Variants in CLIC4 observed in about 807,000 individuals in gnomAD.
The protein encoded by CLIC4 is chloride intracellular channel protein 4.
A neutral mutation model predicts 24.6 loss-of-function variants in CLIC4; 13 were observed. That is an observed-to-expected ratio of 0.53 (90% CI 0.34 to 0.84). The LOEUF is 0.84. Among genes scored for constraint, CLIC4 ranks in the 40% least tolerant of loss-of-function variants. The probability of loss-of-function intolerance (pLI) is 0.01; values close to 1 mark genes in which losing one functional copy is unlikely to be tolerated. For missense variants in CLIC4, 227 were observed against 301.7 expected (o/e 0.75, Z 1.83); for synonymous variants, 104 against 111.3 (o/e 0.93, Z 0.41).
intron 4 of CLIC4, among the ~76,000 whole-genome samples, chr1:24,830,839 A>G (rs1056376325): frequency 6.6e-6 from 1 of 152,210 alleles, no homozygotes; most frequent in African/African-American, 2.4e-5. Context: ...CTTATTAGCT[A>G]TAAGACAGGG....
At chr1:24,770,765 T>G (rs1254292710) in intron 1 of CLIC4, among the ~76,000 whole-genome samples, 1 of 152,196 alleles carries the variant, frequency 6.6e-6, no homozygotes, top group African/African-American at 2.4e-5. Flanking sequence ...GGTTTTATCC[T>G]TGAGTCTTTG....
At chr1:24,761,721 G>T (rs1312125080) in intron 1 of CLIC4, among the ~76,000 whole-genome samples, 1 of 152,134 alleles carries the variant, frequency 6.6e-6, no homozygotes, top group Non-Finnish European at 1.5e-5. Context: ...TGGCAATAAG[G>T]ACAACTATTT....
intron 3 of CLIC4, among the ~76,000 whole-genome samples, chr1:24,816,320 A>C (rs1283932480): frequency 7.1e-6 from 1 of 141,618 alleles, no homozygotes; most frequent in Admixed American, 7.9e-5. Context: ...GCTCACTGCA[A>C]CCTCCACCTC....
chr1:24,806,171 A>G (rs1432001605), intron 2 of CLIC4, among the ~76,000 whole-genome samples: 1 of 152,172 alleles, frequency 6.6e-6, no homozygotes, highest in East Asian at 1.9e-4. Context: ...GCCATTGCCT[A>G]TTGGCTCAGT....
intron 2 of CLIC4, among the ~76,000 whole-genome samples, chr1:24,811,661 A>G (rs1639616444): frequency 6.6e-6 from 1 of 152,160 alleles, no homozygotes; most frequent in African/African-American, 2.4e-5. Context: ...TTTTTTATAG[A>G]GATGGGATCT....
intron 1 of CLIC4, among the ~76,000 whole-genome samples, chr1:24,750,352 C>A (rs1203090468): frequency 6.6e-6 from 1 of 152,024 alleles, no homozygotes; most frequent in African/African-American, 2.4e-5. Context: ...CTGGGAACCA[C>A]CAACAGATAC....
intron 1 of CLIC4, among the ~76,000 whole-genome samples, chr1:24,787,408 C>A (rs1437543705): frequency 6.6e-6 from 1 of 151,902 alleles, no homozygotes; most frequent in African/African-American, 2.4e-5. Context: ...TATTTATAAT[C>A]TATATGTATA....
intron 1 of CLIC4, among the ~76,000 whole-genome samples, chr1:24,754,388 C>G (rs561014882): frequency 1.7e-4 from 26 of 152,160 alleles, no homozygotes; most frequent in Admixed American, 5.2e-4. Flanking sequence ...GTGAGCCATC[C>G]TTTTCCGCTT....
chr1:24,807,270 T>C (rs1639560936), intron 2 of CLIC4, among the ~76,000 whole-genome samples: 1 of 151,886 alleles, frequency 6.6e-6, no homozygotes, highest in African/African-American at 2.4e-5. Flanking sequence ...CCTACCCCTT[T>C]GGGTTTGTTT....
At chr1:24,805,711 T>C (rs7517623) in intron 2 of CLIC4, among the ~76,000 whole-genome samples, 152,271 of 152,292 alleles carry the variant, frequency 1, 76,125 homozygotes, top group Non-Finnish European at 1. Context: ...GCTCCGGTGT[T>C]CTCTAGCTAT....
At chr1:24,746,621 C>T (rs1638701830) in intron 1 of CLIC4, among the ~76,000 whole-genome samples, 1 of 152,164 alleles carries the variant, frequency 6.6e-6, no homozygotes, top group African/African-American at 2.4e-5. Context: ...AGCTAGGCAA[C>T]ATACCGGAAA....
intron 1 of CLIC4, among the ~76,000 whole-genome samples, chr1:24,786,382 C>T (rs1639267725): frequency 6.6e-6 from 1 of 152,140 alleles, no homozygotes; most frequent in Non-Finnish European, 1.5e-5. Context: ...TGGAGTTAAT[C>T]CAGCAGTTTC....
In CLIC4 at chr1:24,760,893, C is replaced by A. The variant is rs1253139110; in HGVS notation, c.72+15268C>A. On this transcript the variant is annotated intron_variant, in intron 1 of 5. Coordinates refer to ENST00000374379, the MANE Select transcript of CLIC4 (RefSeq NM_013943.3). ...CTATTTTCAGTTTAACGGGGCATTC[C>A]ATTATCCCTGTGGAGAATGACAATT... Among the ~76,000 whole-genome samples the A allele has an allele frequency of 2.0e-5, 3 of 152,060 alleles. No homozygotes were observed. In the East Asian group the frequency reaches 5.8e-4, roughly 29 times the overall value.
intron 3 of CLIC4, 77 bp from the exon 4 acceptor site, chr1:24,826,933 C>T: frequency 1.1e-6 from 1 of 921,582 alleles, no homozygotes; most frequent in Non-Finnish European, 1.7e-6. Context: ...CTAGTAACTG[C>T]TAGCATGGTG....
At chr1:24,791,993 G>GTACTCC (rs1639344967) in intron 1 of CLIC4, among the ~76,000 whole-genome samples, 1 of 148,486 alleles carries the variant, frequency 6.7e-6, no homozygotes, top group Admixed American at 6.8e-5. Flanking sequence ...AGGTTGCAAT[G>GTACTCC]AGCCGAGATG....
At chr1:24,827,665 C>T (rs1412701806) in intron 4 of CLIC4, among the ~76,000 whole-genome samples, 2 of 150,738 alleles carry the variant, frequency 1.3e-5, no homozygotes, top group African/African-American at 4.9e-5. Flanking sequence ...CCAAATTTCT[C>T]TGCATCTTCA....
chr1:24,800,575 T>C (rs1203660174), intron 2 of CLIC4, among the ~76,000 whole-genome samples: 3 of 152,258 alleles, frequency 2.0e-5, no homozygotes, highest in East Asian at 1.9e-4. Flanking sequence ...TGCCCAACAG[T>C]TCATTGAGAA....
intron 2 of CLIC4, among the ~76,000 whole-genome samples, chr1:24,801,073 TA>T (rs61672978): frequency 0.59 from 87,450 of 148,124 alleles, 27,489 homozygotes; most frequent in Non-Finnish European, 0.7. Context: ...AAAAATAAAT[TA>T]AAAAAAAAAA....
intron 1 of CLIC4, among the ~76,000 whole-genome samples, chr1:24,795,480 C>A (rs1639387607): frequency 6.6e-6 from 1 of 151,624 alleles, no homozygotes; most frequent in South Asian, 2.1e-4. Context: ...TGTGATTGTG[C>A]CTGTGAGTAA....
Sources: allele counts gnomAD v4.1 joint callset (sites outside exome capture counted in the v4.1 genomes callset), GRCh38; gene constraint gnomAD v4.1.1; transcripts MANE v1.5; gene names NCBI Gene and HGNC (gene_info 2026-07-23, HGNC 2026-07-21).